ATM: variants seen among roughly 807,000 people sequenced by gnomAD.
ATM encodes the protein serine-protein kinase ATM.
In ATM, 308 loss-of-function variants were observed where a neutral mutation model predicts 387.0. The ratio of observed to expected loss-of-function variants is 0.80; its 90% CI spans 0.73 to 0.87. ATM has a LOEUF of 0.87. Among genes scored for constraint, ATM ranks in the 40% least tolerant of loss-of-function variants. The probability of loss-of-function intolerance (pLI) is 0.00; values close to 1 mark genes in which losing one functional copy is unlikely to be tolerated. For missense variants in ATM, 3,312 were observed against 3,560.9 expected (o/e 0.93, Z 1.78); for synonymous variants, 1,156 against 1,187.3 (o/e 0.97, Z 0.54).
At chr11:108,272,425 A>C in intron 20 of ATM, 107 bp from the exon 21 acceptor site, 2 of 933,834 alleles carry the variant, frequency 2.1e-6, no homozygotes, top group Non-Finnish European at 3.4e-6. Flanking sequence ...AAATAAGTTT[A>C]GCACAGAAAG....
chr11:108,237,899 GTTTTTTTTTTTTTT>G (rs369161623), intron 5 of ATM, among the ~76,000 whole-genome samples: 5 of 92,046 alleles, frequency 5.4e-5, no homozygotes, highest in African/African-American at 9.4e-5. Context: ...ATTTACTTAG[GTTTTTTTTTTTTTT>G]TTTTTTTTTT....
intron 29 of ATM, 37 bp from the exon 30 acceptor site, chr11:108,292,582 T>C (rs1258740623): frequency 6.2e-7 from 1 of 1,605,562 alleles, no homozygotes; most frequent in Admixed American, 1.7e-5. Context: ...TTCCAGAACT[T>C]ACTGGTTGTT....
At chr11:108,267,862 AAAG>A (rs1388306640) in intron 17 of ATM, among the ~76,000 whole-genome samples, 5 of 152,264 alleles carry the variant, frequency 3.3e-5, no homozygotes, top group Non-Finnish European at 7.3e-5. Flanking sequence ...CGTCTCAAAA[AAAG>A]AAATAAAATC....
intron 7 of ATM, among the ~76,000 whole-genome samples, chr11:108,246,492 T>G (rs2079854319): frequency 6.6e-6 from 1 of 152,240 alleles, no homozygotes; most frequent in African/African-American, 2.4e-5. Flanking sequence ...GATTACCATG[T>G]TCACCAGATT....
rs551040519 is a variant in ATM, at chr11:108,284,943, A to G, written c.3993+470A>G. 3.3e-5 allele frequency among the ~76,000 whole-genome samples: 5 copies of G among 151,922 alleles called. No individual in the cohort carries two copies. In the South Asian group the frequency reaches 6.2e-4, roughly 19 times the overall value. ...TTATTACCTTCTAATGTATGATACA[A>G]TTTACCTTTTTTTTCTGTCTTTGCT... On this transcript the variant is annotated intron_variant, in intron 26 of 62. Transcript: ENST00000675843.
intron 48 of ATM, among the ~76,000 whole-genome samples, chr11:108,328,624 A>G (rs1403443842): frequency 6.6e-6 from 1 of 152,100 alleles, no homozygotes; most frequent in Non-Finnish European, 1.5e-5. Context: ...TTATTTCTAC[A>G]CTGTCAAAGT....
chr11:108,247,768 G>GT (rs1347808869), intron 8 of ATM, among the ~76,000 whole-genome samples: 3 of 151,664 alleles, frequency 2.0e-5, no homozygotes, highest in Non-Finnish European at 4.4e-5. Context: ...GCTAATTTTT[G>GT]TTTTTTTAGT....
Position 108,316,023 on chromosome 11 carries a change from T to C in ATM, c.6108T>C (p.Tyr2036=), listed in dbSNP as rs3092826. The C allele has an allele frequency of 1.3e-4, 212 of 1,614,160 alleles. No homozygotes were observed. In the East Asian group the frequency reaches 4.0e-3, roughly 30 times the overall value. ...TCTTTTCTTATAGACTACGAACATA[T>C]GAACACGAAGCAATGTGGGGCAAAG... ...MLQPITRLRT[Y]EHEAMWGKAL... Residue 2036 remains tyrosine (Y), a synonymous_variant, in exon 42 of 63, where the codon TAT becomes TAC. Coordinates refer to ENST00000675843, the MANE Select transcript of ATM (RefSeq NM_000051.4).
chr11:108,338,675 TG>T (rs376946821), intron 56 of ATM, among the ~76,000 whole-genome samples: 3 of 151,582 alleles, frequency 2.0e-5, no homozygotes, highest in Non-Finnish European at 4.4e-5. Flanking sequence ...AAAGTGGGGT[TG>T]GGGGGTAACC....
At chr11:108,339,698 TTCTG>T (rs1288543824) in intron 56 of ATM, among the ~76,000 whole-genome samples, 2 of 152,262 alleles carry the variant, frequency 1.3e-5, no homozygotes, top group Non-Finnish European at 1.5e-5. Flanking sequence ...ACCCATTCCT[TTCTG>T]TATCAATCTC....
At chr11:108,360,429 C>T (rs2090587132) in intron 61 of ATM, among the ~76,000 whole-genome samples, 1 of 139,058 alleles carries the variant, frequency 7.2e-6, no homozygotes, top group Non-Finnish European at 1.6e-5. Context: ...AGAGGGAATC[C>T]TCCCTAACTC....
chr11:108,324,026 G>A lies in ATM; in HGVS notation c.6573-1284G>A, dbSNP rs973607804. Among the ~76,000 whole-genome samples the A allele has an allele frequency of 1.1e-4, 17 of 148,504 alleles. No individual in the cohort carries two copies. The East Asian group carries it at 3.2e-3, about 28-fold the overall frequency. On this transcript the variant is annotated intron_variant, in intron 45 of 62. Coordinates refer to ENST00000675843, the MANE Select transcript of ATM (RefSeq NM_000051.4). ...CTTTATCTACAGGTTTCCATCTATG[G>A]ATTCAACCAACCGCAGATCAAAAAT...
chr11:108,299,643 A>C, intron 33 of ATM, 71 bp from the exon 34 acceptor site: 1 of 1,479,974 alleles, frequency 6.8e-7, no homozygotes, highest in South Asian at 1.1e-5. Context: ...ATAGTTTTGA[A>C]ATTAGAAAAT....
chr11:108,251,894 A>G lies in ATM; in HGVS notation c.1665A>G (p.Val555=), dbSNP rs754367168. 1 of 1,613,962 alleles carries G rather than the reference A, an allele frequency of 6.2e-7. No individual in the cohort carries two copies. The highest frequency in any genetic ancestry group is 1.1e-5 in the South Asian group (1 of 91,078). The change falls in exon 11 of 63, where the codon GTA becomes GTG. Residue 555 remains valine (V), a synonymous_variant. Coordinates refer to ENST00000675843, the MANE Select transcript of ATM (RefSeq NM_000051.4). ...CCACCAGTATAGTTCCAGGAACGGT[A>G]AAAATGGGAATAGAGCAAAATATGT... The part of the protein sequence containing the change: ...ALTTSIVPGT[V]KMGIEQNMCE...
chr11:108,288,398 A>G (rs1414798016), intron 27 of ATM, among the ~76,000 whole-genome samples: 2 of 150,618 alleles, frequency 1.3e-5, no homozygotes, highest in Non-Finnish European at 3.0e-5. Flanking sequence ...ATTGTGCGTT[A>G]TTATCTGTAC....
intron 4 of ATM, chr11:108,230,883 A>G (rs1005311606): frequency 3.9e-5 from 6 of 152,124 alleles, no homozygotes; most frequent in Non-Finnish European, 7.3e-5. Context: ...TGTATTTTTA[A>G]TAGAGACAGG....
intron 56 of ATM, 90 bp downstream of exon 56, chr11:108,336,051 C>A: frequency 2.1e-6 from 2 of 965,424 alleles, no homozygotes; most frequent in Non-Finnish European, 3.3e-6. Flanking sequence ...ATTCATAATG[C>A]TTTGGGAGGC....
At chr11:108,234,350 T>C (rs2079164054) in intron 4 of ATM, among the ~76,000 whole-genome samples, 1 of 152,260 alleles carries the variant, frequency 6.6e-6, no homozygotes, top group Admixed American at 6.5e-5. Context: ...CTCATAGTTA[T>C]GGCAATAAAT....
In ATM at chr11:108,331,492, C is replaced by G. The variant is rs1591167598; in HGVS notation, c.7564C>G (p.Gln2522Glu). Residue 2522 changes from glutamine to glutamate, a missense_variant, in exon 51 of 63, where the codon CAA (glutamine) becomes GAA (glutamate). By Grantham distance (29) the Gln-to-Glu change is conservative. Around this residue, in one of 4 missense-constraint regions of ATM, gnomAD observed 1,405 missense variants for 1,604.4 expected, o/e 0.88. Transcript: ENST00000675843. Reference sequence around the variant, plus strand: ...ATATAAATTTTTGCCTCTTATGTACCAATTGGCTGCTAGAATGGGGACCAA... The same window carrying G: ...ATATAAATTTTTGCCTCTTATGTACGAATTGGCTGCTAGAATGGGGACCAA... ...PTYKFLPLMY[Q>E]LAARMGTKMM... is the part of the protein sequence containing the mutation. 1 of 1,613,000 alleles carries G rather than the reference C, an allele frequency of 6.2e-7. No individual in the cohort carries two copies. The highest frequency in any genetic ancestry group is 8.5e-7 in the Non-Finnish European group (1 of 1,179,644).
Sources: allele counts gnomAD v4.1 joint callset (sites outside exome capture counted in the v4.1 genomes callset), GRCh38; gene constraint gnomAD v4.1.1; regional missense constraint gnomAD v4.1.1; transcripts MANE v1.5; gene names NCBI Gene and HGNC (gene_info 2026-07-23, HGNC 2026-07-21).